Variants in IGFL4 observed in about 807,000 individuals in gnomAD.
The protein encoded by IGFL4 is insulin growth factor-like family member 4.
Under a neutral mutation model 15.4 loss-of-function variants are expected in IGFL4, and 12 were observed. That is an observed-to-expected ratio of 0.78 (90% confidence interval 0.50 to 1.26). IGFL4 has a LOEUF of 1.26. IGFL4 is among the 50% of genes most tolerant of loss of function. The pLI is 0.00. For missense variants in IGFL4, 126 were observed against 147.8 expected, an observed-to-expected ratio of 0.85 and a Z score of 0.76; for synonymous variants, 54 against 55.9, an observed-to-expected ratio of 0.97 and a Z score of 0.16.
At chr19:46,052,615 G>A (rs1283626343) in intron 2 of IGFL4, among the ~76,000 whole-genome samples, 3 of 151,836 alleles carry the variant, frequency 2.0e-5, no homozygotes, top group East Asian at 1.9e-4. Context: ...CCAGCTACTC[G>A]GGAGACTGAG....
chr19:46,071,843 T>C (rs1338488188), intron 1 of IGFL4, among the ~76,000 whole-genome samples: 3 of 152,132 alleles, frequency 2.0e-5, no homozygotes, highest in Admixed American at 2.0e-4. Flanking sequence ...CTGGGCAACA[T>C]GGTGAAACTC....
chr19:46,052,155 C>T (rs1969350909), intron 2 of IGFL4, among the ~76,000 whole-genome samples: 1 of 152,164 alleles, frequency 6.6e-6, no homozygotes, highest in South Asian at 2.1e-4. Flanking sequence ...ATTTACACAA[C>T]ATTCTATGCA....
chr19:46,049,659 G>A (rs1969327387), intron 2 of IGFL4, among the ~76,000 whole-genome samples: 1 of 152,082 alleles, frequency 6.6e-6, no homozygotes. Flanking sequence ...GCCTAATGCT[G>A]CCCCCACCTG....
upstream of IGFL4, among the ~76,000 whole-genome samples, chr19:46,044,079 G>T (rs1426830889): frequency 1.3e-5 from 2 of 152,210 alleles, no homozygotes; most frequent in African/African-American, 2.4e-5. Context: ...CCCAGGAGCA[G>T]TGTGGAGGTA....
chr19:46,044,646 C>A (rs1439471476), upstream of IGFL4, among the ~76,000 whole-genome samples: 1 of 152,216 alleles, frequency 6.6e-6, no homozygotes, highest in East Asian at 1.9e-4. Context: ...CAGATTGTAG[C>A]TAGACTGCTT....
At chr19:46,050,707 G>A (rs763023821) in intron 2 of IGFL4, among the ~76,000 whole-genome samples, 2 of 152,164 alleles carry the variant, frequency 1.3e-5, no homozygotes, top group Non-Finnish European at 2.9e-5. Flanking sequence ...TTGGTGGTCC[G>A]GAGGAAGAAG....
chr19:46,040,360 G>C lies in IGFL4; in HGVS notation c.127C>G (p.Pro43Ala), dbSNP rs531467634. Residue 43 changes from proline to alanine, a missense_variant, in exon 3 of 4, where the codon CCC becomes GCC. Pro to Ala is a conservative substitution (Grantham distance 27). Transcript: ENST00000377697. This position sits in a 1 kb window ranked among gnomAD's most constrained non-coding sequence, Gnocchi z 4.1. Reference protein sequence around the residue: ...APRCGEWTYNPLEQCCDDGVI... With the variant: ...APRCGEWTYNALEQCCDDGVI... The stretch of plus-strand genomic sequence containing the variant: ...CCGTCATCACAGCACTGCTCCAAGG[G>C]GTTGTAGGTCCACTCCCCGCACCTG... The C allele has an allele frequency of 6.2e-7, 1 of 1,614,186 alleles. No individual in the cohort carries two copies. Among genetic ancestry groups the C allele is most frequent in the East Asian group, 2.2e-5 (1 of 44,884 alleles).
chr19:46,041,254 T>TC, upstream of IGFL4: 2 of 389,808 alleles, frequency 5.1e-6, no homozygotes, highest in Non-Finnish European at 4.5e-6. Flanking sequence ...CTGCTGAGTG[T>TC]CTTTCTTTGA....
At chr19:46,060,526 T>G (rs573487825) in intron 1 of IGFL4, among the ~76,000 whole-genome samples, 1 of 152,330 alleles carries the variant, frequency 6.6e-6, no homozygotes, top group South Asian at 2.1e-4. Context: ...TATAGCTGAT[T>G]ACAAACCACC....
intron 1 of IGFL4, among the ~76,000 whole-genome samples, chr19:46,068,137 C>G (rs1335505959): frequency 6.6e-6 from 1 of 152,230 alleles, no homozygotes; most frequent in East Asian, 1.9e-4. Flanking sequence ...CTGCTCTGTT[C>G]TCCATCTCTC....
intron 1 of IGFL4, among the ~76,000 whole-genome samples, chr19:46,065,767 CT>C (rs1969489049): frequency 6.6e-6 from 1 of 152,238 alleles, no homozygotes; most frequent in African/African-American, 2.4e-5. Context: ...CTCTTTCTCA[CT>C]TAGGGGATTT....
In IGFL4 at chr19:46,050,153, A is replaced by G. The variant is rs151301570; in HGVS notation, c.-322-9043T>C. On this transcript the variant is annotated intron_variant, in intron 2 of 5. Coordinates refer to the IGFL4 transcript ENST00000601672. Reference sequence around the variant, plus strand: ...TCAAGGAAGCACCCCTCTGGGACAAAAGAATCTGAACATCAGCCCTTCAGC... The same window carrying G: ...TCAAGGAAGCACCCCTCTGGGACAAGAGAATCTGAACATCAGCCCTTCAGC... Among the ~76,000 whole-genome samples, 713 of 152,334 alleles carry G rather than the reference A, an allele frequency of 4.7e-3. 3 individuals carry two copies. The highest frequency in any genetic ancestry group is 5.8e-3 in the Non-Finnish European group (393 of 68,030).
At chr19:46,064,388 T>A (rs1006235038) in intron 1 of IGFL4, among the ~76,000 whole-genome samples, 1 of 152,132 alleles carries the variant, frequency 6.6e-6, no homozygotes, top group African/African-American at 2.4e-5. Context: ...TATCAAATAC[T>A]AGATCTTATT....
At chr19:46,065,045 T>C (rs535434566) in intron 1 of IGFL4, among the ~76,000 whole-genome samples, 67 of 152,222 alleles carry the variant, frequency 4.4e-4, no homozygotes, top group Non-Finnish European at 9.1e-4. Context: ...AGATCAATGA[T>C]ATTGAACACC....
At position 46,040,379 on chromosome 19, in the gene IGFL4, G is replaced by C. The variant is rs764862568; in HGVS notation, c.108C>G (p.Cys36Trp). Residue 36 changes from cysteine to tryptophan, a missense_variant, in exon 3 of 4, where the codon TGC becomes TGG. Transcript: ENST00000377697. The surrounding 1 kb of genome is among the most constrained non-coding windows in gnomAD (Gnocchi z 4.1). ...CCAAGGGGTTGTAGGTCCACTCCCC[G>C]CACCTGGGCGCTGGCTGGCATAGCC... ...RLWLCQPAPR[C>W]GEWTYNPLEQ... The C allele has an allele frequency of 6.2e-7, 1 of 1,614,064 alleles. No homozygotes were observed. Among genetic ancestry groups the C allele is most frequent in the African/African-American group, 1.3e-5 (1 of 74,918 alleles).
At chr19:46,066,501 A>T (rs958107905) in intron 1 of IGFL4, among the ~76,000 whole-genome samples, 1 of 152,168 alleles carries the variant, frequency 6.6e-6, no homozygotes, top group Admixed American at 6.5e-5. Flanking sequence ...TGCTATAAGG[A>T]AATACCCAAG....
intron 2 of IGFL4, among the ~76,000 whole-genome samples, chr19:46,049,180 G>C (rs1315015097): frequency 2.6e-5 from 4 of 152,190 alleles, no homozygotes; most frequent in African/African-American, 9.7e-5. Context: ...CCCACTTGGA[G>C]GGACAGAGAA....
upstream of IGFL4, among the ~76,000 whole-genome samples, chr19:46,045,154 T>C (rs1364418365): frequency 6.6e-6 from 1 of 151,790 alleles, no homozygotes; most frequent in African/African-American, 2.4e-5. Flanking sequence ...TTTAAGAAGG[T>C]GGGTAATAGG....
At chr19:46,043,829 T>C (rs898022977), upstream of IGFL4, among the ~76,000 whole-genome samples, 2 of 152,140 alleles carry the variant, frequency 1.3e-5, no homozygotes, top group African/African-American at 4.8e-5. Context: ...ATACATTTTC[T>C]AGAAGAAAAC....
Sources: allele counts gnomAD v4.1 joint callset (sites outside exome capture counted in the v4.1 genomes callset), GRCh38; gene constraint gnomAD v4.1.1; non-coding constraint Gnocchi (gnomAD v3.1); transcripts MANE v1.5; gene names NCBI Gene and HGNC (gene_info 2026-07-23, HGNC 2026-07-21).